The following ADD3 variants were observed in gnomAD, a reference collection of about 807,000 sequenced individuals.
The protein encoded by ADD3 is gamma-adducin.
A neutral mutation model predicts 80.2 loss-of-function variants in ADD3; 25 were observed. That is an observed-to-expected ratio of 0.31 (90% CI 0.23 to 0.44). The LOEUF (loss-of-function observed/expected upper bound fraction) is 0.44. Ranked by LOEUF, ADD3 falls within the 20% of genes least tolerant of loss-of-function variation. ADD3 has a pLI of 1.00. For synonymous variants in ADD3, 284 were observed against 289.6 expected (o/e 0.98, Z 0.20); for missense variants, 829 against 847.5 (o/e 0.98, Z 0.27).
At chr10:110,071,090 A>T (rs973538972) in intron 1 of ADD3, among the ~76,000 whole-genome samples, 22 of 151,524 alleles carry the variant, frequency 1.5e-4, no homozygotes, top group Non-Finnish European at 3.1e-4. Context: ...AACATTATTG[A>T]TACTTAAATT....
chr10:110,027,088 T>C (rs1013900231), intron 1 of ADD3, among the ~76,000 whole-genome samples: 1 of 152,336 alleles, frequency 6.6e-6, no homozygotes, highest in East Asian at 1.9e-4. Context: ...TGAAAGTATA[T>C]GAAACCAAAA....
chr10:110,050,462 G>A (rs183409006), intron 1 of ADD3, among the ~76,000 whole-genome samples: 79 of 149,792 alleles, frequency 5.3e-4, no homozygotes, highest in Admixed American at 2.7e-3. Flanking sequence ...CACCGTGATT[G>A]TGAGTCCTCC....
intron 1 of ADD3, among the ~76,000 whole-genome samples, chr10:110,012,341 C>A (rs1314347009): frequency 6.6e-6 from 1 of 152,192 alleles, no homozygotes; most frequent in African/African-American, 2.4e-5. Context: ...CAGTTGAAAA[C>A]ATGTTAAATG....
Position 110,133,723 on chromosome 10 carries a change from G to A in ADD3, c.*105G>A. On this transcript the variant is annotated 3_prime_UTR_variant, in exon 15 of 15. Coordinates refer to ENST00000356080, the MANE Select transcript of ADD3 (RefSeq NM_016824.5). ...GCAATGGTAGATCAGATTGGGGGAT[G>A]TAGCAAACTGGACTTTAAGAACTGG... 5.3e-6 allele frequency: 5 copies of A among 943,490 alleles called. No homozygotes were observed. Among genetic ancestry groups the A allele is most frequent in the Non-Finnish European group, 5.9e-6 (4 of 681,868 alleles). The allele number at this position is 943,490 out of a possible 1,614,324, so 58.4% of individuals were successfully genotyped here.
Position 110,133,540 on chromosome 10 carries a change from G to A in ADD3, c.2043G>A (p.Ser681=), listed in dbSNP as rs772346635. The change falls in exon 15 of 15, where the codon TCG becomes TCA. Residue 681 remains serine (S), a synonymous_variant. Coordinates refer to ENST00000356080, the MANE Select transcript of ADD3 (RefSeq NM_016824.5). ...VLSPEGSPSK[S]PSKKKKKFRT... ...CACCTGAAGGCTCCCCTTCAAAATCGCCATCCAAGAAAAAGAAGAAATTCC... is the reference window on the plus strand; with the variant it reads ...CACCTGAAGGCTCCCCTTCAAAATCACCATCCAAGAAAAAGAAGAAATTCC... 6.2e-6 allele frequency: 10 copies of A among 1,610,814 alleles called. No individual in the cohort carries two copies. Among genetic ancestry groups the A allele is most frequent in the Middle Eastern group, 1.6e-4 (1 of 6,070 alleles).
intron 1 of ADD3, among the ~76,000 whole-genome samples, chr10:110,062,365 A>ATGCAGGCCAT (rs1347516287): frequency 6.6e-6 from 1 of 151,438 alleles, no homozygotes; most frequent in Non-Finnish European, 1.5e-5. Context: ...TTGCATGCCA[A>ATGCAGGCCAT]TGCAGGCCAT....
chr10:110,068,506 C>G (rs928133760), intron 1 of ADD3, among the ~76,000 whole-genome samples: 14 of 151,964 alleles, frequency 9.2e-5, no homozygotes, highest in African/African-American at 3.4e-4. Context: ...ATGCAGATAC[C>G]ACTTCATTTT....
chr10:110,046,859 G>C (rs1416160889), intron 1 of ADD3, among the ~76,000 whole-genome samples: 1 of 152,092 alleles, frequency 6.6e-6, no homozygotes, highest in Non-Finnish European at 1.5e-5. Flanking sequence ...AATTGAAAAA[G>C]AATAACACCT....
intron 1 of ADD3, among the ~76,000 whole-genome samples, chr10:110,019,172 T>A (rs1853355312): frequency 6.6e-6 from 1 of 152,110 alleles, no homozygotes; most frequent in South Asian, 2.1e-4. Context: ...TGGATGGAGT[T>A]GATACGAGAT....
chr10:110,019,760 C>A (rs968851443), intron 1 of ADD3, among the ~76,000 whole-genome samples: 1 of 152,114 alleles, frequency 6.6e-6, no homozygotes, highest in African/African-American at 2.4e-5. Flanking sequence ...GCTGAATTCA[C>A]CAGTTTGTAG....
In ADD3 at chr10:110,119,175, C is replaced by G; in HGVS notation, c.718-36C>G. On this transcript the variant is annotated intron_variant, in intron 6 of 14. Transcript: ENST00000356080. ...TTCCTATGAAAATGTATTTAGTAAC[C>G]AAATGTGTTATCTTGGTATGGGCCA... 3 of 1,609,012 alleles carry G rather than the reference C, an allele frequency of 1.9e-6. No homozygotes were observed. In the African/African-American group the frequency reaches 4.0e-5, roughly 22 times the overall value.
chr10:110,051,743 T>TTCAAG (rs1405309524), intron 1 of ADD3, among the ~76,000 whole-genome samples: 1 of 151,978 alleles, frequency 6.6e-6, no homozygotes, highest in African/African-American at 2.4e-5. Context: ...TAGGAAGGAG[T>TTCAAG]TCAAGGTTGA....
intron 2 of ADD3, among the ~76,000 whole-genome samples, chr10:110,101,633 C>A (rs1351206386): frequency 2.1e-5 from 3 of 139,644 alleles, no homozygotes; most frequent in Admixed American, 7.2e-5. Context: ...TGAGACCTTA[C>A]CTAAAAAAAA....
intron 1 of ADD3, among the ~76,000 whole-genome samples, chr10:110,037,984 G>A (rs570913501): frequency 4.7e-5 from 7 of 148,966 alleles, no homozygotes; most frequent in African/African-American, 1.7e-4. Flanking sequence ...CAGGAGAATC[G>A]CTTGAACCCG....
intron 1 of ADD3, among the ~76,000 whole-genome samples, chr10:110,054,651 C>T (rs1188018087): frequency 6.7e-6 from 1 of 149,958 alleles, no homozygotes; most frequent in African/African-American, 2.5e-5. Context: ...CTCGCTCTGT[C>T]CCCCAGGCTG....
intron 12 of ADD3, among the ~76,000 whole-genome samples, chr10:110,126,974 GA>G (rs1249327908): frequency 6.6e-6 from 1 of 152,142 alleles, no homozygotes; most frequent in Non-Finnish European, 1.5e-5. Context: ...CACTAAAAGA[GA>G]AAAAACACTG....
At chr10:110,074,223 A>G (rs1035661519) in intron 1 of ADD3, among the ~76,000 whole-genome samples, 1 of 152,214 alleles carries the variant, frequency 6.6e-6, no homozygotes, top group African/African-American at 2.4e-5. Flanking sequence ...TGAGATGCCT[A>G]GTAGTTCCTT....
At chr10:110,006,709 G>A (rs543598115), upstream of ADD3, among the ~76,000 whole-genome samples, 9 of 150,398 alleles carry the variant, frequency 6.0e-5, no homozygotes, top group South Asian at 1.7e-3. Context: ...TCATATGTGG[G>A]AAGAGGAAAC....
At chr10:110,074,789 G>T (rs1252962896) in intron 1 of ADD3, among the ~76,000 whole-genome samples, 1 of 152,076 alleles carries the variant, frequency 6.6e-6, no homozygotes, top group African/African-American at 2.4e-5. Context: ...GGAGAGAAGG[G>T]GGATAGCATG....
Sources: gnomAD v4.1 joint callset for allele counts (sites outside exome capture counted in the v4.1 genomes callset) on GRCh38, gnomAD v4.1.1 for gene constraint, MANE v1.5 for transcripts, NCBI Gene and HGNC (gene_info 2026-07-23, HGNC 2026-07-21) for gene names.